The following POU2F2 variants were observed in gnomAD, a reference collection of about 807,000 sequenced individuals.
POU2F2 encodes POU class 2 homeobox 2, also known as POU domain, class 2, transcription factor 2.
A neutral mutation model predicts 63.5 loss-of-function variants in POU2F2; 14 were observed. The observed-to-expected ratio is 0.22, with a 90% CI of 0.15 to 0.34. POU2F2 has a LOEUF of 0.34. Ranked by LOEUF, POU2F2 falls within the 10% of genes least tolerant of loss-of-function variation. POU2F2 has a pLI of 1.00. For synonymous variants in POU2F2, 306 were observed against 348.6 expected (o/e 0.88, Z 1.36); for missense variants, 607 against 815.2 (o/e 0.74, Z 3.11).
In POU2F2 at chr19:42,089,082, C is replaced by T. The variant is rs1272106207; in HGVS notation, c.*2175G>A. ...TCAGGGCTCTCCTCTCTCTCTGCTC[C>T]TGCCCAACAAGGGGCAGGGGCCACA... On this transcript the variant is annotated 3_prime_UTR_variant, in exon 15 of 15. Coordinates refer to ENST00000692977, the MANE Select transcript of POU2F2 (RefSeq NM_001394376.1). 6.5e-6 allele frequency: 1 copy of T among 152,726 alleles called. No homozygotes were observed. Among genetic ancestry groups the T allele is most frequent in the African/African-American group, 2.4e-5 (1 of 41,458 alleles). 9.5% of individuals were successfully genotyped at this position (152,726 alleles called of 1,614,324 possible). A position where few individuals can be genotyped will look rare whatever the true frequency, so the allele number is the denominator to read the frequency against.
intron 1 of POU2F2, among the ~76,000 whole-genome samples, chr19:42,125,552 G>A (rs2033122611): frequency 6.6e-6 from 1 of 152,070 alleles, no homozygotes; most frequent in Admixed American, 6.5e-5. Context: ...AGTAAAGGCG[G>A]GAATCCTGCC....
At chr19:42,175,144 T>G (rs2034848426) in intron 1 of POU2F2, among the ~76,000 whole-genome samples, 1 of 152,100 alleles carries the variant, frequency 6.6e-6, no homozygotes, top group Admixed American at 6.5e-5. Flanking sequence ...TCACTTAAGA[T>G]CTTCCCCTCC....
rs2034568254 is a variant in POU2F2 at position 42,162,327 on chromosome 19, C to T, written c.-69-1935G>A. ...GACAGAGGGGAGAGGATCCCTCTCCCAAGCAGACAACACCTCCAAGTAGAG... is the reference window on the plus strand; with the variant it reads ...GACAGAGGGGAGAGGATCCCTCTCCTAAGCAGACAACACCTCCAAGTAGAG... On this transcript the variant is annotated intron_variant, in intron 1 of 6. Coordinates refer to the POU2F2 transcript ENST00000524801. The surrounding 1 kb of genome is among the most constrained non-coding windows in gnomAD (Gnocchi z 4.1). 6.6e-6 allele frequency among the ~76,000 whole-genome samples: 1 copy of T among 152,072 alleles called. No individual in the cohort carries two copies. The highest frequency in any genetic ancestry group is 2.1e-4 in the South Asian group (1 of 4,828).
intron 1 of POU2F2, among the ~76,000 whole-genome samples, chr19:42,168,681 A>T (rs2034699074): frequency 6.6e-6 from 1 of 152,192 alleles, no homozygotes; most frequent in South Asian, 2.1e-4. Flanking sequence ...ATGCCAGAGG[A>T]GTTTTCTAGA....
chr19:42,096,191 G>C lies in POU2F2; in HGVS notation c.620C>G (p.Pro207Arg). The C allele has an allele frequency of 6.2e-7, 1 of 1,613,170 alleles. No homozygotes were observed. Among genetic ancestry groups the C allele is most frequent in the Non-Finnish European group, 8.5e-7 (1 of 1,179,700 alleles). The change falls in exon 8 of 15, where the codon CCC becomes CGC. Residue 207 changes from proline (P) to arginine (R), a missense_variant. Physicochemically the swap from Pro to Arg is moderately radical, Grantham distance 103 (BLOSUM62 -2). Coordinates refer to ENST00000692977, the MANE Select transcript of POU2F2 (RefSeq NM_001394376.1). This position sits in a 1 kb window ranked among gnomAD's most constrained non-coding sequence, Gnocchi z 4.1. Reference protein sequence around the residue: ...PDPHLSHPQPPKCLEPPSHPE... With the variant: ...PDPHLSHPQPRKCLEPPSHPE... ...GTGGGATGGTGGCTCCAAGCATTTG[G>C]GGGGCTGCGGGTGCGAGAGGTGCGG...
chr19:42,163,742 C>A (rs1013572332), intron 1 of POU2F2, among the ~76,000 whole-genome samples: 4 of 152,134 alleles, frequency 2.6e-5, no homozygotes, highest in Non-Finnish European at 1.5e-5. Flanking sequence ...GCCTCAATGT[C>A]TTCATTTGTA....
At chr19:42,147,893 C>CA (rs2034263784) in intron 2 of POU2F2, among the ~76,000 whole-genome samples, 1 of 152,120 alleles carries the variant, frequency 6.6e-6, no homozygotes, top group Non-Finnish European at 1.5e-5. Flanking sequence ...TGTATTTCCC[C>CA]TTTCCCTGAC....
chr19:42,172,290 G>T (rs1208559829), intron 1 of POU2F2, among the ~76,000 whole-genome samples: 1 of 152,194 alleles, frequency 6.6e-6, no homozygotes, highest in Non-Finnish European at 1.5e-5. Flanking sequence ...CTAAGGCTGG[G>T]ATTGGTTCTG....
intron 5 of POU2F2, among the ~76,000 whole-genome samples, chr19:42,109,633 T>C (rs2030750559): frequency 6.6e-6 from 1 of 151,732 alleles, no homozygotes; most frequent in Admixed American, 6.6e-5. Flanking sequence ...AAAGACAGAG[T>C]TTTAGTTTTA....
chr19:42,144,254 C>A (rs1357515847), intron 2 of POU2F2, among the ~76,000 whole-genome samples: 1 of 152,250 alleles, frequency 6.6e-6, no homozygotes, highest in Non-Finnish European at 1.5e-5. Context: ...TGTCTGTCCT[C>A]TTCACTGCTG....
chr19:42,176,493 C>A (rs2034883316), upstream of POU2F2, among the ~76,000 whole-genome samples: 1 of 152,136 alleles, frequency 6.6e-6, no homozygotes, highest in African/African-American at 2.4e-5. Flanking sequence ...CGCTCCTCCG[C>A]TCCTCCGCTC....
rs2034401892 is a variant in POU2F2, at chr19:42,153,765, G to T, written c.-9+6567C>A. On this transcript the variant is annotated intron_variant, in intron 2 of 6. Coordinates refer to the POU2F2 transcript ENST00000524801. This position sits in a 1 kb window ranked among gnomAD's most constrained non-coding sequence, Gnocchi z 5.6. Reference sequence around the variant, plus strand: ...TCCCTGTGTGTGTCATGGTGACTTGGTGTAGACGGCACGGTGTATGTGTGT... The same window carrying T: ...TCCCTGTGTGTGTCATGGTGACTTGTTGTAGACGGCACGGTGTATGTGTGT... Among the ~76,000 whole-genome samples, 1 of 152,138 alleles carries T rather than the reference G, an allele frequency of 6.6e-6. No individual in the cohort carries two copies. The highest frequency in any genetic ancestry group is 1.5e-5 in the Non-Finnish European group (1 of 68,004).
chr19:42,093,735 G>A, intron 12 of POU2F2, 94 bp downstream of exon 12: 2 of 1,303,832 alleles, frequency 1.5e-6, no homozygotes, highest in East Asian at 2.4e-5. Flanking sequence ...CCAGTCTTGA[G>A]GCCCATGGAC....
intron 1 of POU2F2, among the ~76,000 whole-genome samples, chr19:42,191,292 A>G (rs905056455): frequency 3.3e-5 from 5 of 152,128 alleles, no homozygotes; most frequent in South Asian, 4.1e-4. Flanking sequence ...AGCATTCTGG[A>G]TACTTCTTCT....
intron 2 of POU2F2, among the ~76,000 whole-genome samples, chr19:42,157,715 A>G (rs1394460408): frequency 1.3e-5 from 2 of 152,194 alleles, no homozygotes; most frequent in Non-Finnish European, 2.9e-5. Context: ...AGGGAAAAGG[A>G]GGCATCATCC....
At chr19:42,142,559 A>ATTTGTT (rs1044621207) in intron 2 of POU2F2, among the ~76,000 whole-genome samples, 1 of 145,410 alleles carries the variant, frequency 6.9e-6, no homozygotes, top group Non-Finnish European at 1.5e-5. Context: ...GGGGTTTTTT[A>ATTTGTT]TTTGTTTTTG....
intron 5 of POU2F2, among the ~76,000 whole-genome samples, chr19:42,114,206 T>C (rs1335156822): frequency 1.3e-5 from 2 of 151,900 alleles, no homozygotes; most frequent in Admixed American, 6.6e-5. Flanking sequence ...TAGGAGTGCA[T>C]AGGCAAGAAT....
Position 42,117,191 on chromosome 19 carries a change from G to A in POU2F2, c.369+59C>T. 1 of 1,324,304 alleles carries A rather than the reference G, an allele frequency of 7.6e-7. No homozygotes were observed. The highest frequency in any genetic ancestry group is 1.6e-5 in the South Asian group (1 of 64,392). 82.0% of individuals were successfully genotyped at this position (1,324,304 alleles called of 1,614,324 possible). ...GTGGAACAGTTCATCCACTAGCCCT[G>A]TAACAGATGAGGGGTGGCTGGTTTG... On this transcript the variant is annotated intron_variant, in intron 5 of 14. Transcript: ENST00000692977. The surrounding 1 kb of genome is among the most constrained non-coding windows in gnomAD (Gnocchi z 4.4).
Position 42,152,148 on chromosome 19 carries a change from G to A in POU2F2, c.-9+8184C>T, listed in dbSNP as rs376043381. ...CCAGCCTGACTGTGGGGCGCAACGG[G>A]TAGCTGAGGCAATGAACAGCTGTGA... On this transcript the variant is annotated intron_variant, in intron 2 of 6. Transcript: ENST00000524801. The surrounding 1 kb of genome is among the most constrained non-coding windows in gnomAD (Gnocchi z 4.1). Among the ~76,000 whole-genome samples, 1 of 152,178 alleles carries A rather than the reference G, an allele frequency of 6.6e-6. No individual in the cohort carries two copies. Among genetic ancestry groups the A allele is most frequent in the Admixed American group, 6.5e-5 (1 of 15,280 alleles).
Sources: allele counts gnomAD v4.1 joint callset (sites outside exome capture counted in the v4.1 genomes callset), GRCh38; gene constraint gnomAD v4.1.1; non-coding constraint Gnocchi (gnomAD v3.1); transcripts MANE v1.5; gene names NCBI Gene and HGNC (gene_info 2026-07-23, HGNC 2026-07-21).